The following DGKB variants were observed in gnomAD, a reference collection of about 807,000 sequenced individuals.
DGKB encodes diacylglycerol kinase beta.
In DGKB, 67 loss-of-function variants were observed where a neutral mutation model predicts 114.3. That is an observed-to-expected ratio of 0.59 (90% CI 0.48 to 0.72). The LOEUF (loss-of-function observed/expected upper bound fraction) is 0.72, where lower values mean the gene tolerates loss of function less well. Ranked by LOEUF, DGKB falls within the 30% of genes least tolerant of loss-of-function variation. The pLI, the probability that DGKB is intolerant of heterozygous loss-of-function variation, is 0.00. For missense variants in DGKB, 907 were observed against 975.2 expected (o/e 0.93, Z 0.93); for synonymous variants, 398 against 323.1 (o/e 1.23, Z -2.49).
intron 15 of DGKB, among the ~76,000 whole-genome samples, chr7:14,619,299 A>G (rs1397913267): frequency 3.3e-5 from 5 of 151,668 alleles, no homozygotes; most frequent in Non-Finnish European, 7.4e-5. Flanking sequence ...TAGAGAGATG[A>G]AACACTTCCA....
intron 20 of DGKB, among the ~76,000 whole-genome samples, chr7:14,545,363 A>T (rs1423028166): frequency 1.3e-5 from 2 of 152,162 alleles, no homozygotes; most frequent in African/African-American, 2.4e-5. Flanking sequence ...AACAGGTAAG[A>T]ATCCAATGAA....
chr7:14,481,808 TC>T (rs1381300555), intron 20 of DGKB, among the ~76,000 whole-genome samples: 1 of 152,132 alleles, frequency 6.6e-6, no homozygotes, highest in East Asian at 1.9e-4. Context: ...CTAAAAAGTT[TC>T]AAAAGCTGGT....
intron 23 of DGKB, among the ~76,000 whole-genome samples, chr7:14,298,210 A>G (rs1802914119): frequency 6.6e-6 from 1 of 152,158 alleles, no homozygotes; most frequent in Admixed American, 6.5e-5. Flanking sequence ...AACTACTTCA[A>G]ATTTCATATA....
chr7:14,541,011 G>A (rs1372241227), intron 20 of DGKB, among the ~76,000 whole-genome samples: 1 of 152,160 alleles, frequency 6.6e-6, no homozygotes, highest in Non-Finnish European at 1.5e-5. Context: ...GGCTGCATCT[G>A]AAGCCACCAG....
intron 23 of DGKB, among the ~76,000 whole-genome samples, chr7:14,297,216 T>A (rs1005481035): frequency 1.3e-5 from 2 of 152,140 alleles, no homozygotes; most frequent in Non-Finnish European, 1.5e-5. Context: ...GAGGCCATCA[T>A]CATCCTGATA....
At chr7:14,659,901 C>T (rs1350307710) in intron 13 of DGKB, among the ~76,000 whole-genome samples, 5 of 151,922 alleles carry the variant, frequency 3.3e-5, no homozygotes, top group East Asian at 2.0e-4. Flanking sequence ...TTTTGAAATA[C>T]GTCCCATCAA....
intron 2 of DGKB, among the ~76,000 whole-genome samples, chr7:14,792,441 GGCA>G (rs1840797858): frequency 6.6e-6 from 1 of 151,260 alleles, no homozygotes; most frequent in Non-Finnish European, 1.5e-5. Flanking sequence ...CCTGGGACTA[GGCA>G]AGTCTCAACT....
chr7:14,717,705 A>G (rs1828439249), intron 6 of DGKB, among the ~76,000 whole-genome samples: 1 of 152,104 alleles, frequency 6.6e-6, no homozygotes, highest in Non-Finnish European at 1.5e-5. Context: ...TAGATTTGTT[A>G]TCTTCACTAT....
At chr7:14,217,045 A>G (rs1185860744) in intron 23 of DGKB, among the ~76,000 whole-genome samples, 1 of 152,094 alleles carries the variant, frequency 6.6e-6, no homozygotes, top group African/African-American at 2.4e-5. Context: ...CATCTCACAC[A>G]CTGAATGAAA....
chr7:14,522,060 T>G (rs1334588542), intron 20 of DGKB, among the ~76,000 whole-genome samples: 1 of 152,194 alleles, frequency 6.6e-6, no homozygotes, highest in East Asian at 1.9e-4. Flanking sequence ...GGTGTGGTAG[T>G]GTGTTGCTGT....
intron 25 of DGKB, among the ~76,000 whole-genome samples, chr7:14,166,376 G>T (rs551950826): frequency 6.6e-6 from 1 of 152,278 alleles, no homozygotes; most frequent in African/African-American, 2.4e-5. Flanking sequence ...AAGATTCAAG[G>T]TTTAGGGCAT....
chr7:14,386,527 C>A (rs559276239), intron 21 of DGKB, among the ~76,000 whole-genome samples: 1 of 152,140 alleles, frequency 6.6e-6, no homozygotes, highest in Admixed American at 6.5e-5. Flanking sequence ...GTAATTTTTG[C>A]CACAGGAATG....
intron 1 of DGKB, among the ~76,000 whole-genome samples, chr7:14,869,264 T>C (rs1852117340): frequency 6.6e-6 from 1 of 152,226 alleles, no homozygotes; most frequent in African/African-American, 2.4e-5. Context: ...ATTTAGATTT[T>C]AGCCTTGCCT....
At chr7:14,546,512 T>C (rs1280544385) in intron 20 of DGKB, among the ~76,000 whole-genome samples, 2 of 152,170 alleles carry the variant, frequency 1.3e-5, no homozygotes, top group Non-Finnish European at 1.5e-5. Context: ...CAGCAGGGCC[T>C]CCTCACAATT....
At chr7:14,319,257 T>C (rs558488221) in intron 23 of DGKB, among the ~76,000 whole-genome samples, 3 of 148,376 alleles carry the variant, frequency 2.0e-5, no homozygotes, top group Admixed American at 6.8e-5. Flanking sequence ...CTGCACAATG[T>C]GCACATGTAC....
intron 23 of DGKB, among the ~76,000 whole-genome samples, chr7:14,265,318 C>CTTTTTTTTTTT (rs781569705): frequency 0.014 from 937 of 67,690 alleles, 60 homozygotes; most frequent in East Asian, 0.033. Context: ...CTCTTGCATT[C>CTTTTTTTTTTT]TTTTTTTTTT....
intron 6 of DGKB, among the ~76,000 whole-genome samples, chr7:14,705,883 G>A (rs527725548): frequency 2.1e-3 from 313 of 152,008 alleles, no homozygotes; most frequent in Non-Finnish European, 2.8e-3. Flanking sequence ...AAAGACCATC[G>A]AGACTAGGAA....
intron 21 of DGKB, among the ~76,000 whole-genome samples, chr7:14,369,575 A>T (rs1276539191): frequency 6.6e-6 from 1 of 152,202 alleles, no homozygotes; most frequent in Non-Finnish European, 1.5e-5. Context: ...CATCCTCTCC[A>T]GCATCTGTTG....
intron 21 of DGKB, among the ~76,000 whole-genome samples, chr7:14,357,328 T>C (rs1814758181): frequency 6.6e-6 from 1 of 152,220 alleles, no homozygotes; most frequent in Non-Finnish European, 1.5e-5. Context: ...TCTTGTTGAA[T>C]TGATCCCTTT....
Sources: gnomAD v4.1 joint callset for allele counts (sites outside exome capture counted in the v4.1 genomes callset) on GRCh38, gnomAD v4.1.1 for gene constraint, MANE v1.5 for transcripts, NCBI Gene and HGNC (gene_info 2026-07-23, HGNC 2026-07-21) for gene names.